ADCY10: variants seen among roughly 807,000 people sequenced by gnomAD.
The protein encoded by ADCY10 is adenylate cyclase 10.
Under a neutral mutation model 183.3 loss-of-function variants are expected in ADCY10, and 156 were observed. That is an observed-to-expected ratio of 0.85 (90% CI 0.75 to 0.97). ADCY10 has a LOEUF of 0.97. Ranked by LOEUF, ADCY10 falls within the 50% of genes least tolerant of loss-of-function variation. ADCY10 has a pLI of 0.00. For missense variants in ADCY10, 1,745 were observed against 1,934.3 expected (o/e 0.90, Z 1.84); for synonymous variants, 645 against 670.0 (o/e 0.96, Z 0.58).
chr1:167,912,055 A>T (rs982214167), intron 1 of ADCY10, among the ~76,000 whole-genome samples: 45 of 152,232 alleles, frequency 3.0e-4, no homozygotes, highest in African/African-American at 9.9e-4. Context: ...TTGAAGATAT[A>T]GTTTTCTGCT....
chr1:167,849,896 A>G (rs551342876), intron 18 of ADCY10, among the ~76,000 whole-genome samples: 1 of 152,166 alleles, frequency 6.6e-6, no homozygotes, highest in African/African-American at 2.4e-5. Context: ...AGGGGAATGG[A>G]GCGGCCCAGC....
chr1:167,877,083 TG>T (rs1440051170), intron 12 of ADCY10, among the ~76,000 whole-genome samples: 1 of 151,964 alleles, frequency 6.6e-6, no homozygotes, highest in Non-Finnish European at 1.5e-5. Context: ...TGTTTATTTT[TG>T]CACACCACTG....
intron 6 of ADCY10, among the ~76,000 whole-genome samples, chr1:167,897,563 AAGAGAT>A (rs1438311329): frequency 0.33 from 4 of 12 alleles, no homozygotes; most frequent in Non-Finnish European, 0.5. Context: ...GGAGATGCAG[AAGAGAT>A]GAGAGAAAGC....
chr1:167,845,557 G>A lies in ADCY10; in HGVS notation c.3007+6C>T. On this transcript the variant is annotated splice_donor_region_variant and intron_variant, in intron 21 of 32. Coordinates refer to ENST00000367851, the MANE Select transcript of ADCY10 (RefSeq NM_018417.6). Reference sequence around the variant, plus strand: ...GTTAGGATAATTTTAAAATGAAGTAGGTTACTTTTAAATCCATGAGACATA... The same window carrying A: ...GTTAGGATAATTTTAAAATGAAGTAAGTTACTTTTAAATCCATGAGACATA... The A allele has an allele frequency of 2.5e-6, 4 of 1,613,472 alleles. No homozygotes were observed. The highest frequency in any genetic ancestry group is 3.3e-4 in the Middle Eastern group (2 of 6,060).
chr1:167,910,823 A>G (rs540324503), intron 1 of ADCY10, among the ~76,000 whole-genome samples: 106 of 152,312 alleles, frequency 7.0e-4, no homozygotes, highest in Middle Eastern at 3.4e-3. Flanking sequence ...TCACTGGCTC[A>G]ACTTTGACTT....
chr1:167,821,329 G>A (rs1409863474), intron 30 of ADCY10: 1 of 153,024 alleles, frequency 6.5e-6, no homozygotes, highest in Non-Finnish European at 1.5e-5. Flanking sequence ...CCATGTAAGG[G>A]GCCTCTATTT....
At chr1:167,894,849 C>G (rs1557824044) in intron 7 of ADCY10, among the ~76,000 whole-genome samples, 1 of 152,112 alleles carries the variant, frequency 6.6e-6, no homozygotes, top group African/African-American at 2.4e-5. Context: ...GAGGATTCAA[C>G]CAATGAAATC....
intron 24 of ADCY10, among the ~76,000 whole-genome samples, chr1:167,833,494 C>T (rs551048227): frequency 1.3e-5 from 2 of 152,086 alleles, no homozygotes; most frequent in Non-Finnish European, 1.5e-5. Context: ...GCCTGTAATC[C>T]CAGCACTTTG....
In ADCY10 at chr1:167,875,175, A is replaced by G. The variant is rs142478979; in HGVS notation, c.1418T>C (p.Met473Thr). ...WGRTEKVMFG[M>T]ACLICNRKED... is the part of the protein sequence containing the mutation. ...CTTTCTGTTGCAGATGAGGCACGCC[A>G]TACCAAACATGCTGAAGAGAAGAAC... The change falls in exon 13 of 33, where the codon ATG becomes ACG. Residue 473 changes from methionine (M) to threonine (T), a missense_variant. By Grantham distance (81) the Met-to-Thr change is moderately conservative (BLOSUM62 -1). Transcript: ENST00000367851. 3.2e-3 allele frequency: 5,142 copies of G among 1,614,192 alleles called. 8 individuals carry two copies. The highest frequency in any genetic ancestry group is 4.1e-3 in the Non-Finnish European group (4,804 of 1,179,994).
intron 9 of ADCY10, among the ~76,000 whole-genome samples, chr1:167,881,821 T>C (rs1667885570): frequency 6.6e-6 from 1 of 152,214 alleles, no homozygotes; most frequent in African/African-American, 2.4e-5. Context: ...AAGACTGTTC[T>C]CTTAGATTCT....
At chr1:167,830,812 A>G (rs1663669001) in intron 25 of ADCY10, among the ~76,000 whole-genome samples, 1 of 152,214 alleles carries the variant, frequency 6.6e-6, no homozygotes, top group African/African-American at 2.4e-5. Flanking sequence ...CATTCTATTC[A>G]AAGTCACTCC....
chr1:167,903,454 C>T (rs1669583045), intron 3 of ADCY10, among the ~76,000 whole-genome samples: 1 of 151,694 alleles, frequency 6.6e-6, no homozygotes, highest in Non-Finnish European at 1.5e-5. Flanking sequence ...ATCCTAGCTA[C>T]TCGGGAGGCT....
At chr1:167,871,934 G>T (rs1269455414) in intron 13 of ADCY10, among the ~76,000 whole-genome samples, 1 of 152,212 alleles carries the variant, frequency 6.6e-6, no homozygotes, top group African/African-American at 2.4e-5. Flanking sequence ...TTCAAAGGCT[G>T]CATAGCTGCA....
At chr1:167,892,035 G>A (rs61807004) in intron 8 of ADCY10, among the ~76,000 whole-genome samples, 3 of 640 alleles carry the variant, frequency 4.7e-3, no homozygotes, top group African/African-American at 0.017. Flanking sequence ...GTGCAGTGGA[G>A]CAATCTCGGC....
chr1:167,862,000 G>C (rs918099743), intron 14 of ADCY10, among the ~76,000 whole-genome samples: 4 of 152,060 alleles, frequency 2.6e-5, no homozygotes, highest in Non-Finnish European at 5.9e-5. Context: ...TTTTCCTGAG[G>C]CCTCCCTAGC....
chr1:167,837,450 C>T (rs1664304834), intron 21 of ADCY10, 132 bp from the exon 22 acceptor site: 4 of 750,720 alleles, frequency 5.3e-6, no homozygotes, highest in Admixed American at 2.0e-5. Flanking sequence ...ATTGCCTAGT[C>T]CCCATTGTAT....
At chr1:167,901,865 T>C (rs761421202) in intron 4 of ADCY10, 60 bp from the exon 5 acceptor site, 39 of 1,613,406 alleles carry the variant, frequency 2.4e-5, no homozygotes, top group Non-Finnish European at 3.2e-5. Flanking sequence ...CTATTTTGTA[T>C]GAGATCTGTA....
At chr1:167,836,834 G>A (rs879816522) in intron 22 of ADCY10, among the ~76,000 whole-genome samples, 19 of 152,296 alleles carry the variant, frequency 1.2e-4, no homozygotes, top group Middle Eastern at 6.8e-3. Flanking sequence ...GACCATCCTG[G>A]CTAACACGGT....
At chr1:167,856,586 A>T (rs1017431084) in intron 16 of ADCY10, 147 bp from the exon 17 acceptor site, 1 of 804,216 alleles carries the variant, frequency 1.2e-6, no homozygotes, top group Non-Finnish European at 2.0e-6. Context: ...CTTTCCAGTA[A>T]CTTTGCATTC....
Sources: gnomAD v4.1 joint callset for allele counts (sites outside exome capture counted in the v4.1 genomes callset) on GRCh38, gnomAD v4.1.1 for gene constraint, MANE v1.5 for transcripts, NCBI Gene and HGNC (gene_info 2026-07-23, HGNC 2026-07-21) for gene names.